Variants in ARHGAP23 observed in about 807,000 individuals in gnomAD.
ARHGAP23 encodes rho GTPase-activating protein 23.
A neutral mutation model predicts 136.3 loss-of-function variants in ARHGAP23; 34 were observed. That is an observed-to-expected ratio of 0.25 (90% CI 0.19 to 0.33). The LOEUF (loss-of-function observed/expected upper bound fraction) is 0.33, where lower values mean the gene tolerates loss of function less well. ARHGAP23 is among the 10% of genes least tolerant of loss of function. The pLI, the probability that ARHGAP23 is intolerant of heterozygous loss-of-function variation, is 1.00. For missense variants in ARHGAP23, 1,808 were observed against 2,139.0 expected (o/e 0.85, Z 3.05); for synonymous variants, 832 against 920.5 (o/e 0.90, Z 1.74).
intron 20 of ARHGAP23, among the ~76,000 whole-genome samples, chr17:38,492,455 A>C: frequency 1.3e-5 from 2 of 152,154 alleles, no homozygotes; most frequent in Non-Finnish European, 1.5e-5. Flanking sequence ...AGGAGGAAAC[A>C]GGCTCAGAGA....
At chr17:38,453,293 G>A (rs1221003948) in intron 1 of ARHGAP23, among the ~76,000 whole-genome samples, 1 of 152,006 alleles carries the variant, frequency 6.6e-6, no homozygotes, top group Non-Finnish European at 1.5e-5. Context: ...GTGAGTGTGT[G>A]TGGGCAGGTG....
At chr17:38,421,449 C>T (rs185278367) in intron 1 of ARHGAP23, among the ~76,000 whole-genome samples, 28 of 152,278 alleles carry the variant, frequency 1.8e-4, no homozygotes, top group Admixed American at 1.1e-3. Flanking sequence ...GCACCGGAAG[C>T]GTGGTGTGTA....
At chr17:38,454,881 G>A (rs2039288355) in intron 1 of ARHGAP23, among the ~76,000 whole-genome samples, 1 of 152,232 alleles carries the variant, frequency 6.6e-6, no homozygotes, top group African/African-American at 2.4e-5. Context: ...CGTCTGCCCT[G>A]CTGTCACCAT....
At chr17:38,505,789 G>T (rs961888125) in intron 23 of ARHGAP23, among the ~76,000 whole-genome samples, 1 of 152,174 alleles carries the variant, frequency 6.6e-6, no homozygotes, top group Admixed American at 6.5e-5. Flanking sequence ...TTAGCTGGGG[G>T]TGGTGGTGCA....
intron 19 of ARHGAP23, 45 bp downstream of exon 19, chr17:38,490,596 C>T: frequency 7.0e-7 from 1 of 1,434,242 alleles, no homozygotes; most frequent in South Asian, 1.2e-5. Context: ...CAAGCACGGA[C>T]TTACTGTGTG....
In ARHGAP23 at chr17:38,510,941, C is replaced by T. The variant is rs866334141; in HGVS notation, c.4445C>T (p.Ser1482Leu). 6.8e-6 allele frequency: 10 copies of T among 1,464,510 alleles called. 1 individual carries two copies. In the Middle Eastern group the frequency reaches 9.7e-4, roughly 143 times the overall value. 90.7% of individuals were successfully genotyped at this position (1,464,510 alleles called of 1,614,324 possible). ...GSLQSQPPRR[S>L]AASRLHQCL Reference sequence around the variant, plus strand: ...CTGCAGAGCCAGCCCCCGCGCCGCTCGGCCGCCTCCCGCCTGCATCAGTGT... The same window carrying T: ...CTGCAGAGCCAGCCCCCGCGCCGCTTGGCCGCCTCCCGCCTGCATCAGTGT... Residue 1482 changes from serine (S) to leucine (L), a missense_variant, in exon 24 of 24, where the codon TCG (serine) becomes TTG (leucine). Ser to Leu is a moderately radical substitution (Grantham distance 145). Around this residue, in one of 7 missense-constraint regions of ARHGAP23, gnomAD observed 506 missense variants for 455.8 expected, o/e 1.11. Coordinates refer to ENST00000622683, the MANE Select transcript of ARHGAP23 (RefSeq NM_001199417.2). This position sits in a 1 kb window ranked among gnomAD's most constrained non-coding sequence, Gnocchi z 4.6.
At chr17:38,494,268 C>T (rs1394480414) in intron 20 of ARHGAP23, among the ~76,000 whole-genome samples, 2 of 152,196 alleles carry the variant, frequency 1.3e-5, no homozygotes, top group Non-Finnish European at 2.9e-5. Flanking sequence ...TACTGTTTAC[C>T]TCACATCGTT....
chr17:38,494,662 TC>T (rs1597837665), intron 20 of ARHGAP23, among the ~76,000 whole-genome samples: 1 of 152,248 alleles, frequency 6.6e-6, no homozygotes, highest in Admixed American at 6.5e-5. Context: ...CTCTTTGTGC[TC>T]TGGGCTATGC....
rs931412071 is a variant in ARHGAP23 at position 38,510,034 on chromosome 17, C to A, written c.3538C>A (p.Arg1180=). ...CGTCAACCGCAAGCGCAAGAAGCGGCGGGAGGCGCGGGGGCTGGGCAGCAG... is the reference window on the plus strand; with the variant it reads ...CGTCAACCGCAAGCGCAAGAAGCGGAGGGAGGCGCGGGGGCTGGGCAGCAG... The part of the protein sequence containing the change: ...SAVNRKRKKR[R]EARGLGSSTD... Residue 1180 remains arginine (R), a synonymous_variant, in exon 24 of 24, where the codon CGG becomes AGG. Transcript: ENST00000622683. This position sits in a 1 kb window ranked among gnomAD's most constrained non-coding sequence, Gnocchi z 4.6. 8.8e-6 allele frequency: 11 copies of A among 1,243,854 alleles called. No individual in the cohort carries two copies. The African/African-American group carries it at 1.7e-4, about 19-fold the overall frequency. 77.1% of individuals were successfully genotyped at this position (1,243,854 alleles called of 1,614,324 possible). A position where few individuals can be genotyped will look rare whatever the true frequency, so the allele number is the denominator to read the frequency against.
chr17:38,481,089 C>T (rs963257449), intron 14 of ARHGAP23, among the ~76,000 whole-genome samples: 2 of 152,114 alleles, frequency 1.3e-5, no homozygotes, highest in African/African-American at 4.8e-5. Context: ...GATTCTTGTG[C>T]CTCAGCCCCG....
At chr17:38,425,124 C>G (rs1178235712), upstream of ARHGAP23, among the ~76,000 whole-genome samples, 4 of 152,194 alleles carry the variant, frequency 2.6e-5, no homozygotes, top group Admixed American at 2.6e-4. Flanking sequence ...GCTCCCTGCC[C>G]CAAACCAGGC....
At chr17:38,479,063 G>T (rs2039969118) in intron 12 of ARHGAP23, among the ~76,000 whole-genome samples, 1 of 152,180 alleles carries the variant, frequency 6.6e-6, no homozygotes, top group African/African-American at 2.4e-5. Context: ...TCCCCAACAA[G>T]GCTTAGTCAG....
intron 11 of ARHGAP23, among the ~76,000 whole-genome samples, chr17:38,474,863 C>T (rs1449736253): frequency 6.6e-6 from 1 of 152,146 alleles, no homozygotes; most frequent in Non-Finnish European, 1.5e-5. Context: ...GTGCACTGTG[C>T]GAGGAGAGCC....
chr17:38,477,350 G>T lies in ARHGAP23; in HGVS notation c.2119-229G>T, dbSNP rs1237715555. ...GAGGGGGAGAGGGTTGGGGTCTGCT[G>T]GGGGGCTTTAGGATGATGGGTAGGG... On this transcript the variant is annotated intron_variant, in intron 11 of 23. Transcript: ENST00000622683. This position sits in a 1 kb window ranked among gnomAD's most constrained non-coding sequence, Gnocchi z 6.6. 6.6e-6 allele frequency among the ~76,000 whole-genome samples: 1 copy of T among 152,002 alleles called. No homozygotes were observed. Among genetic ancestry groups the T allele is most frequent in the East Asian group, 1.9e-4 (1 of 5,176 alleles).
chr17:38,495,228 CTT>C (rs11295890), intron 20 of ARHGAP23, among the ~76,000 whole-genome samples: 90,380 of 135,448 alleles, frequency 0.67, 30,187 homozygotes, highest in East Asian at 0.89. Context: ...TTTTCTTTTT[CTT>C]TTTTTTTTTT....
At position 38,498,068 on chromosome 17, in the gene ARHGAP23, G is replaced by A. The variant is rs188807197; in HGVS notation, c.3318+242G>A. On this transcript the variant is annotated intron_variant, in intron 21 of 23. Coordinates refer to ENST00000622683, the MANE Select transcript of ARHGAP23 (RefSeq NM_001199417.2). ...GGGAGATATAGGCCTTGCTCAGAGG[G>A]AACCCAGTTCAGGAGTAAAGGCAGC... Among the ~76,000 whole-genome samples the A allele has an allele frequency of 4.1e-5, 6 of 146,470 alleles. No individual in the cohort carries two copies. In the East Asian group the frequency reaches 1.2e-3, roughly 29 times the overall value.
chr17:38,460,617 C>G lies in ARHGAP23; in HGVS notation c.226-288C>G, dbSNP rs573970188. Among the ~76,000 whole-genome samples the G allele has an allele frequency of 2.0e-5, 3 of 152,250 alleles. No individual in the cohort carries two copies. In the South Asian group the frequency reaches 6.2e-4, roughly 32 times the overall value. On this transcript the variant is annotated intron_variant, in intron 2 of 23. Coordinates refer to ENST00000622683, the MANE Select transcript of ARHGAP23 (RefSeq NM_001199417.2). ...GTGTGTGTGAGCCTGTGTGATGCCT[C>G]CCTCGTTGGGCTGGGAGCTCCCCCA... is the stretch of plus-strand genomic sequence containing the variant.
chr17:38,430,186 C>G lies in ARHGAP23; in HGVS notation c.63+1638C>G, dbSNP rs146797691. 1.9e-3 allele frequency among the ~76,000 whole-genome samples: 290 copies of G among 152,080 alleles called. 4 individuals are homozygous for G. Among genetic ancestry groups the G allele is most frequent in the African/African-American group, 6.8e-3 (283 of 41,478 alleles). Reference sequence around the variant, plus strand: ...AATAAACAGGAAGAATGGGAGTGGGCAGGGTAGGTGTTGGTGTCCCATTTC... The same window carrying G: ...AATAAACAGGAAGAATGGGAGTGGGGAGGGTAGGTGTTGGTGTCCCATTTC... On this transcript the variant is annotated intron_variant, in intron 1 of 23. Transcript: ENST00000622683.
chr17:38,434,270 C>T (rs549945879), intron 1 of ARHGAP23, among the ~76,000 whole-genome samples: 7 of 152,306 alleles, frequency 4.6e-5, no homozygotes, highest in East Asian at 3.9e-4. Flanking sequence ...AGCCCGGGCC[C>T]GTAAGGAGCG....
Sources: allele counts gnomAD v4.1 joint callset (sites outside exome capture counted in the v4.1 genomes callset), GRCh38; gene constraint gnomAD v4.1.1; regional missense constraint gnomAD v4.1.1; non-coding constraint Gnocchi (gnomAD v3.1); transcripts MANE v1.5; gene names NCBI Gene and HGNC (gene_info 2026-07-23, HGNC 2026-07-21).